KHDRBS2: variants seen among roughly 807,000 people sequenced by gnomAD.
KHDRBS2 encodes KH RNA binding domain containing, signal transduction associated 2, also known as KH domain-containing, RNA-binding, signal transduction-associated protein 2.
In KHDRBS2, 26 loss-of-function variants were observed where a neutral mutation model predicts 44.3. That is an observed-to-expected ratio of 0.59 (90% CI 0.43 to 0.81). The LOEUF is 0.81. Ranked by LOEUF, KHDRBS2 falls within the 40% of genes least tolerant of loss-of-function variation. The pLI is 0.00. For missense variants in KHDRBS2, 476 were observed against 433.1 expected (o/e 1.10, Z -0.88); for synonymous variants, 194 against 151.1 (o/e 1.28, Z -2.08).
chr6:61,623,639 G>C, the KHDRBS2 span, among the ~76,000 whole-genome samples: 2 of 152,186 alleles, frequency 1.3e-5, no homozygotes, highest in South Asian at 4.1e-4. Flanking sequence ...GATTAAGCCT[G>C]AGCAGAATAA....
At chr6:62,197,212 A>C (rs928331814) in intron 1 of KHDRBS2, among the ~76,000 whole-genome samples, 4 of 152,128 alleles carry the variant, frequency 2.6e-5, no homozygotes, top group African/African-American at 9.7e-5. Context: ...TAGTAAATTT[A>C]ACAGTCTTAT....
Position 62,170,087 on chromosome 6 carries a change from A to T in KHDRBS2, c.219+7098T>A, listed in dbSNP as rs987751511. ...GCTAGATCTTTTAGCCCACTGTCTTACTTCTGTCCAAAATCTGTGGGAAGG... is the reference window on the plus strand; with the variant it reads ...GCTAGATCTTTTAGCCCACTGTCTTTCTTCTGTCCAAAATCTGTGGGAAGG... On this transcript the variant is annotated intron_variant, in intron 2 of 8. Transcript: ENST00000281156. Among the ~76,000 whole-genome samples the T allele has an allele frequency of 7.2e-5, 11 of 152,014 alleles. No homozygotes were observed. The Middle Eastern group carries it at 0.01, about 141-fold the overall frequency.
intron 2 of KHDRBS2, among the ~76,000 whole-genome samples, chr6:62,064,978 A>G (rs1165577220): frequency 6.6e-6 from 1 of 152,134 alleles, no homozygotes; most frequent in Admixed American, 6.6e-5. Flanking sequence ...GAAGGACATG[A>G]ACAGACACTT....
At chr6:61,669,686 C>T in the KHDRBS2 span, among the ~76,000 whole-genome samples, 2 of 150,902 alleles carry the variant, frequency 1.3e-5, no homozygotes, top group African/African-American at 2.4e-5. Flanking sequence ...TATACACAAA[C>T]CTGCATGATT....
At chr6:61,670,490 A>T in the KHDRBS2 span, among the ~76,000 whole-genome samples, 2 of 151,544 alleles carry the variant, frequency 1.3e-5, no homozygotes, top group African/African-American at 4.8e-5. Context: ...ACCCCTAACA[A>T]GAAAGTTAAA....
intron 6 of KHDRBS2, among the ~76,000 whole-genome samples, chr6:61,882,878 T>G (rs1800398346): frequency 6.6e-6 from 1 of 152,014 alleles, no homozygotes; most frequent in South Asian, 2.1e-4. Context: ...GTATTTACAT[T>G]TTCCTTGCCA....
intron 1 of KHDRBS2, among the ~76,000 whole-genome samples, chr6:62,247,254 T>A (rs1414256711): frequency 6.6e-6 from 1 of 152,000 alleles, no homozygotes; most frequent in Non-Finnish European, 1.5e-5. Flanking sequence ...ATAATTGTGT[T>A]TTTTGCCATT....
At chr6:62,100,359 G>A (rs1324035502) in intron 2 of KHDRBS2, among the ~76,000 whole-genome samples, 1 of 152,156 alleles carries the variant, frequency 6.6e-6, no homozygotes, top group East Asian at 1.9e-4. Context: ...TTGTTGAAAT[G>A]ACAACAAAGG....
chr6:62,126,383 G>A (rs199610449), intron 2 of KHDRBS2, among the ~76,000 whole-genome samples: 3 of 152,202 alleles, frequency 2.0e-5, no homozygotes, highest in East Asian at 1.9e-4. Context: ...CCTGGCTCCC[G>A]GACAGCATCT....
At chr6:62,023,533 G>C (rs1225273153) in intron 3 of KHDRBS2, among the ~76,000 whole-genome samples, 1 of 151,440 alleles carries the variant, frequency 6.6e-6, no homozygotes, top group Non-Finnish European at 1.5e-5. Context: ...TATGTGGAAA[G>C]AAATATTTTT....
chr6:61,548,301 G>A, the KHDRBS2 span, among the ~76,000 whole-genome samples: 1 of 152,046 alleles, frequency 6.6e-6, no homozygotes, highest in Non-Finnish European at 1.5e-5. Flanking sequence ...TATATATATA[G>A]CAACAATTTT....
intron 4 of KHDRBS2, among the ~76,000 whole-genome samples, chr6:61,923,012 G>T (rs1808331524): frequency 6.6e-6 from 1 of 151,998 alleles, no homozygotes; most frequent in Non-Finnish European, 1.5e-5. Flanking sequence ...AGCTGTCAAA[G>T]ACATTAAAAC....
intron 4 of KHDRBS2, among the ~76,000 whole-genome samples, chr6:61,957,615 G>T (rs1413985450): frequency 6.6e-6 from 1 of 152,058 alleles, no homozygotes; most frequent in East Asian, 1.9e-4. Flanking sequence ...AATAATTTTT[G>T]GTCAGACTGG....
intron 1 of KHDRBS2, among the ~76,000 whole-genome samples, chr6:62,259,752 G>A (rs1446085111): frequency 1.3e-5 from 2 of 151,758 alleles, no homozygotes; most frequent in Non-Finnish European, 2.9e-5. Flanking sequence ...GCCACTCCAA[G>A]GCAATTTTTT....
chr6:61,758,734 TG>T (rs986632109), intron 6 of KHDRBS2, among the ~76,000 whole-genome samples: 1 of 152,114 alleles, frequency 6.6e-6, no homozygotes, highest in Non-Finnish European at 1.5e-5. Context: ...AATCAACCTA[TG>T]GTTTGGTTTT....
intron 1 of KHDRBS2, among the ~76,000 whole-genome samples, chr6:62,234,797 T>C (rs1483707444): frequency 6.6e-6 from 1 of 151,962 alleles, no homozygotes; most frequent in Non-Finnish European, 1.5e-5. Context: ...TCTTTATCTA[T>C]AACATTACAG....
At chr6:61,644,577 C>G in the KHDRBS2 span, among the ~76,000 whole-genome samples, 1 of 151,964 alleles carries the variant, frequency 6.6e-6, no homozygotes, top group Non-Finnish European at 1.5e-5. Context: ...GGTCTAATAT[C>G]CAGAAATTAC....
chr6:61,695,987 A>G (rs1767858977), intron 8 of KHDRBS2, among the ~76,000 whole-genome samples: 2 of 152,002 alleles, frequency 1.3e-5, no homozygotes. Context: ...TATTTTTGTT[A>G]GAGACCGGGT....
chr6:61,613,789 G>C, the KHDRBS2 span, among the ~76,000 whole-genome samples: 2 of 94,904 alleles, frequency 2.1e-5, no homozygotes. Context: ...GGAGATGTTT[G>C]GCATTCTACA....
Sources: allele counts gnomAD v4.1 joint callset (sites outside exome capture counted in the v4.1 genomes callset), GRCh38; gene constraint gnomAD v4.1.1; transcripts MANE v1.5; gene names NCBI Gene and HGNC (gene_info 2026-07-23, HGNC 2026-07-21).